The following ABCG1 variants were observed in gnomAD, a reference collection of about 807,000 sequenced individuals.
The protein encoded by ABCG1 is ATP-binding cassette sub-family G member 1.
ABCG1 carries 29 observed loss-of-function variants against 69.2 expected under a neutral mutation model. The observed-to-expected ratio is 0.42, with a 90% CI of 0.31 to 0.57. ABCG1 has a LOEUF of 0.57. Among genes scored for constraint, ABCG1 ranks in the 20% least tolerant of loss-of-function variants. The pLI, the probability that ABCG1 is intolerant of heterozygous loss-of-function variation, is 0.15. For synonymous variants in ABCG1, 370 were observed against 374.8 expected (o/e 0.99, Z 0.15); for missense variants, 718 against 898.1 (o/e 0.80, Z 2.56).
intron 5 of ABCG1, among the ~76,000 whole-genome samples, chr21:42,280,470 C>T (rs762330733): frequency 1.2e-4 from 19 of 152,242 alleles, no homozygotes; most frequent in Admixed American, 3.3e-4. Context: ...GAGCGCCCGC[C>T]GGGAAGCCCC....
At chr21:42,209,839 G>A (rs915554850) in intron 2 of ABCG1, among the ~76,000 whole-genome samples, 10 of 152,240 alleles carry the variant, frequency 6.6e-5, no homozygotes, top group African/African-American at 1.9e-4. Flanking sequence ...TGGATCATCA[G>A]CCCGCTTAAT....
At chr21:42,224,742 CTG>C (rs1419182066) in intron 1 of ABCG1, among the ~76,000 whole-genome samples, 1 of 152,108 alleles carries the variant, frequency 6.6e-6, no homozygotes, top group Non-Finnish European at 1.5e-5. Context: ...CAGGGTTCTT[CTG>C]TGTTTTGAAG....
intron 2 of ABCG1, among the ~76,000 whole-genome samples, chr21:42,244,988 G>A (rs984969338): frequency 2.0e-5 from 3 of 152,242 alleles, no homozygotes; most frequent in South Asian, 4.1e-4. Context: ...CTCTGAGAAC[G>A]ACCCTCAGGA....
upstream of ABCG1, among the ~76,000 whole-genome samples, chr21:42,213,342 G>T (rs1771520040): frequency 6.6e-6 from 1 of 152,240 alleles, no homozygotes. Flanking sequence ...ATAAACCTTG[G>T]GCTTCTGTGC....
At chr21:42,282,207 C>T in intron 5 of ABCG1, 67 bp from the exon 6 acceptor site, 3 of 1,565,478 alleles carry the variant, frequency 1.9e-6, no homozygotes, top group Non-Finnish European at 2.6e-6. Flanking sequence ...GGTCTTCCTG[C>T]ATGGGCCATG....
Position 42,288,640 on chromosome 21 carries a change from G to A in ABCG1, c.1224+328G>A, listed in dbSNP as rs147531772. On this transcript the variant is annotated intron_variant, in intron 10 of 14. Coordinates refer to ENST00000398449, the MANE Select transcript of ABCG1 (RefSeq NM_016818.3). The surrounding 1 kb of genome is among the most constrained non-coding windows in gnomAD (Gnocchi z 4.8). ...GAGAACTGCTTGAACCCAGGGGGGC[G>A]GAGATTGCAGTGAGCCGAGATTGCA... Among the ~76,000 whole-genome samples the A allele has an allele frequency of 1.7e-3, 263 of 152,182 alleles. No individual in the cohort carries two copies. The highest frequency in any genetic ancestry group is 1.0e-3 in the South Asian group (5 of 4,810).
chr21:42,217,416 G>A (rs183135163), upstream of ABCG1, among the ~76,000 whole-genome samples: 3 of 152,050 alleles, frequency 2.0e-5, no homozygotes, highest in South Asian at 2.1e-4. Context: ...TTCCTGGAGC[G>A]AGATGGGTCC....
chr21:42,294,907 A>G, intron 14 of ABCG1: 1 of 485,576 alleles, frequency 2.1e-6, no homozygotes, highest in Non-Finnish European at 3.8e-6. Flanking sequence ...GGCAGGACCA[A>G]GTGTTCTGGA....
At chr21:42,263,540 C>T (rs535456634) in intron 2 of ABCG1, among the ~76,000 whole-genome samples, 2 of 152,294 alleles carry the variant, frequency 1.3e-5, no homozygotes, top group East Asian at 1.9e-4. Flanking sequence ...CTGCGCACTT[C>T]TCTGTGTTTT....
At chr21:42,266,370 C>T (rs1217284608) in intron 2 of ABCG1, among the ~76,000 whole-genome samples, 1 of 152,046 alleles carries the variant, frequency 6.6e-6, no homozygotes, top group Non-Finnish European at 1.5e-5. Context: ...CAAGGTGAGT[C>T]TGATTAGGAG....
intron 2 of ABCG1, among the ~76,000 whole-genome samples, chr21:42,205,018 G>GTTTTTTT (rs746194754): frequency 7.4e-6 from 1 of 135,252 alleles, no homozygotes; most frequent in African/African-American, 2.7e-5. Flanking sequence ...TGTTTTTGTT[G>GTTTTTTT]TTTTTTTTTT....
chr21:42,262,013 C>T (rs2068423063), intron 2 of ABCG1, among the ~76,000 whole-genome samples: 1 of 152,202 alleles, frequency 6.6e-6, no homozygotes, highest in African/African-American at 2.4e-5. Context: ...CGGCCCCTTT[C>T]CAAACTGCAA....
At chr21:42,212,367 A>G (rs1447712664), upstream of ABCG1, among the ~76,000 whole-genome samples, 1 of 152,158 alleles carries the variant, frequency 6.6e-6, no homozygotes, top group Non-Finnish European at 1.5e-5. Context: ...GATCCTAGTG[A>G]GGGCTGAGAA....
intron 2 of ABCG1, among the ~76,000 whole-genome samples, chr21:42,208,964 T>A (rs2067565074): frequency 6.6e-6 from 1 of 152,098 alleles, no homozygotes; most frequent in Non-Finnish European, 1.5e-5. Context: ...AGAGGAGGAA[T>A]GCAGAGCTGG....
At chr21:42,256,305 C>A in intron 2 of ABCG1, 1 of 1,533,082 alleles carries the variant, frequency 6.5e-7, no homozygotes, top group South Asian at 1.2e-5. Context: ...AACTTTTGCC[C>A]GGAGTCTACA....
chr21:42,292,819 A>G (rs2069094966), intron 13 of ABCG1, among the ~76,000 whole-genome samples: 1 of 146,088 alleles, frequency 6.8e-6, no homozygotes, highest in Non-Finnish European at 1.5e-5. Flanking sequence ...TACACAGTAC[A>G]CACCACACAC....
chr21:42,295,754 C>G (rs142214771), intron 14 of ABCG1, among the ~76,000 whole-genome samples: 1 of 152,316 alleles, frequency 6.6e-6, no homozygotes, highest in African/African-American at 2.4e-5. Flanking sequence ...CAGGGCAGGA[C>G]TGGAGCAGAG....
chr21:42,259,615 C>T (rs2068370841), intron 2 of ABCG1: 1 of 1,441,196 alleles, frequency 6.9e-7, no homozygotes, highest in African/African-American at 1.4e-5. Context: ...TGTTTCCTAA[C>T]TGTCACTCAT....
At position 42,255,615 on chromosome 21, in the gene ABCG1, T is replaced by A. The variant is rs1304204341; in HGVS notation, c.287-15455T>A. ...CGCACGAGGAGGCTGAAACGCCAGT[T>A]AGAATTTCAGCTGTGAGCTCTTCTC... is the stretch of plus-strand genomic sequence containing the variant. On this transcript the variant is annotated intron_variant, in intron 2 of 14. Coordinates refer to ENST00000398449, the MANE Select transcript of ABCG1 (RefSeq NM_016818.3). Among the ~76,000 whole-genome samples the A allele has an allele frequency of 4.6e-5, 7 of 152,230 alleles. No individual in the cohort carries two copies. The South Asian group carries it at 1.4e-3, about 31-fold the overall frequency.
Sources: allele counts gnomAD v4.1 joint callset (sites outside exome capture counted in the v4.1 genomes callset), GRCh38; gene constraint gnomAD v4.1.1; non-coding constraint Gnocchi (gnomAD v3.1); transcripts MANE v1.5; gene names NCBI Gene and HGNC (gene_info 2026-07-23, HGNC 2026-07-21).